Variants in PSORS1C1 observed in about 807,000 individuals in gnomAD.
PSORS1C1 encodes the protein psoriasis susceptibility 1 candidate 1, also known as psoriasis susceptibility 1 candidate gene 1 protein.
PSORS1C1 carries 7 observed loss-of-function variants against 9.4 expected under a neutral mutation model. The ratio of observed to expected loss-of-function variants is 0.75; its 90% CI spans 0.42 to 1.40. The LOEUF is 1.40. Among genes scored for constraint, PSORS1C1 ranks in the 40% most tolerant of loss-of-function variants. PSORS1C1 has a pLI of 0.01. For missense variants in PSORS1C1, 146 were observed against 178.1 expected (o/e 0.82, Z 1.02); for synonymous variants, 63 against 69.4 (o/e 0.91, Z 0.46).
intron 1 of PSORS1C1, among the ~76,000 whole-genome samples, chr6:31,124,457 T>C (rs1772595314): frequency 1.3e-5 from 2 of 152,238 alleles, no homozygotes; most frequent in African/African-American, 2.4e-5. Flanking sequence ...TGAAATTATT[T>C]GTCCAAACCA....
chr6:31,136,390 C>CAAAAAA (rs11311116), intron 3 of PSORS1C1, among the ~76,000 whole-genome samples: 1 of 102,700 alleles, frequency 9.7e-6, no homozygotes, highest in Non-Finnish European at 2.1e-5. Flanking sequence ...TAATACGTCT[C>CAAAAAA]AAAAAAAAAA....
intron 1 of PSORS1C1, chr6:31,120,460 CA>C: frequency 6.7e-7 from 1 of 1,494,248 alleles, no homozygotes; most frequent in Non-Finnish European, 9.1e-7. Flanking sequence ...AGCTCAAGGA[CA>C]CCCGGGTCCT....
At chr6:31,124,384 C>A (rs1215752190) in intron 1 of PSORS1C1, among the ~76,000 whole-genome samples, 1 of 152,202 alleles carries the variant, frequency 6.6e-6, no homozygotes. Flanking sequence ...CTTGTTCAAT[C>A]TTCACAACAG....
At chr6:31,119,104 G>A (rs895373851) in intron 1 of PSORS1C1, among the ~76,000 whole-genome samples, 3 of 151,994 alleles carry the variant, frequency 2.0e-5, no homozygotes, top group African/African-American at 7.2e-5. Flanking sequence ...TTGGCCTCCT[G>A]AAATGTTGGG....
chr6:31,128,602 G>A lies in PSORS1C1; in HGVS notation c.-64-967G>A, dbSNP rs1360548281. 2.2e-4 allele frequency among the ~76,000 whole-genome samples: 34 copies of A among 152,220 alleles called. No individual in the cohort carries two copies. The highest frequency in any genetic ancestry group is 5.9e-5 in the Non-Finnish European group (4 of 68,042). Reference sequence around the variant, plus strand: ...GGATATTAGGGGGAAAAACCCACAGGAGGTGCATTTGGCTTAATTCAGCAA... The same window carrying A: ...GGATATTAGGGGGAAAAACCCACAGAAGGTGCATTTGGCTTAATTCAGCAA... On this transcript the variant is annotated intron_variant, in intron 2 of 5. Transcript: ENST00000259881. This position sits in a 1 kb window ranked among gnomAD's most constrained non-coding sequence, Gnocchi z 4.3.
chr6:31,127,715 G>A (rs980370691), intron 2 of PSORS1C1, among the ~76,000 whole-genome samples: 3 of 152,016 alleles, frequency 2.0e-5, no homozygotes, highest in Non-Finnish European at 2.9e-5. Flanking sequence ...CCGGGAGGCT[G>A]AGACAGGAGA....
rs201665595 is a variant in PSORS1C1, at chr6:31,118,837, C to CTTTTTTTTTTTTTTTTTTTTTTT, written c.-229+3948_-229+3949insTTTTTTTTTTTTTTTTTTTTTTT. 5.4e-5 allele frequency: 5 copies of CTTTTTTTTTTTTTTTTTTTTTTT among 92,454 alleles called. 1 individual carries two copies. The highest frequency in any genetic ancestry group is 9.1e-5 in the African/African-American group (2 of 22,024). 5.7% of individuals were successfully genotyped at this position (92,454 alleles called of 1,614,324 possible). On this transcript the variant is annotated intron_variant, in intron 1 of 5. Transcript: ENST00000259881. ...ATCATCCACCTGGAAGTTTTTTCTT[C>CTTTTTTTTTTTTTTTTTTTTTTT]TTCTTCTTTTTTTTTTTTTTTTTTG...
At chr6:31,134,784 C>T (rs1224216508) in intron 3 of PSORS1C1, among the ~76,000 whole-genome samples, 1 of 152,152 alleles carries the variant, frequency 6.6e-6, no homozygotes, top group African/African-American at 2.4e-5. Context: ...ACCTGATTGC[C>T]TCTTTAAAGG....
At chr6:31,116,628 A>C (rs1312301178) in intron 1 of PSORS1C1, 1 of 1,613,156 alleles carries the variant, frequency 6.2e-7, no homozygotes, top group Non-Finnish European at 8.5e-7. Flanking sequence ...AGCCTTTCAC[A>C]GGGTTCTCTT....
intron 2 of PSORS1C1, among the ~76,000 whole-genome samples, 162 bp from the exon 3 acceptor site, chr6:31,129,407 T>C (rs994611495): frequency 6.6e-6 from 1 of 152,188 alleles, no homozygotes; most frequent in South Asian, 2.1e-4. Flanking sequence ...GGTTTCCCTC[T>C]GCAAATACCT....
intron 5 of PSORS1C1, 179 bp downstream of exon 5, chr6:31,138,958 T>C: frequency 6.2e-7 from 1 of 1,613,856 alleles, no homozygotes; most frequent in Non-Finnish European, 8.5e-7. Flanking sequence ...TCCCTGCCTC[T>C]GTTCCCACCT....
chr6:31,117,106 A>G (rs1772185384), intron 1 of PSORS1C1: 1 of 1,614,052 alleles, frequency 6.2e-7, no homozygotes, highest in Non-Finnish European at 8.5e-7. Flanking sequence ...GCCATTCCCT[A>G]CTTGGAAGCT....
At position 31,140,038 on chromosome 6, in the gene PSORS1C1, A is replaced by G. The variant is rs1254563005; in HGVS notation, c.*106A>G. On this transcript the variant is annotated 3_prime_UTR_variant, in exon 6 of 6. Transcript: ENST00000259881. The surrounding 1 kb of genome is among the most constrained non-coding windows in gnomAD (Gnocchi z 4.6). ...TCCAAAATAAAATTTGATTCCTCCCAGGTTGTTCCCTGCCTGGTCCGCTAC... is the reference window on the plus strand; with the variant it reads ...TCCAAAATAAAATTTGATTCCTCCCGGGTTGTTCCCTGCCTGGTCCGCTAC... The G allele has an allele frequency of 4.4e-6, 5 of 1,124,390 alleles. No individual in the cohort carries two copies. The highest frequency in any genetic ancestry group is 3.9e-6 in the Non-Finnish European group (3 of 771,654). The allele number at this position is 1,124,390 out of a possible 1,614,324, so 69.7% of individuals were successfully genotyped here.
chr6:31,120,316 A>C, intron 1 of PSORS1C1: 1 of 1,548,098 alleles, frequency 6.5e-7, no homozygotes, highest in Non-Finnish European at 8.8e-7. Context: ...TCCTGTTCCC[A>C]GGGCCCCCAG....
rs373344373 is a variant in PSORS1C1 at position 31,126,065 on chromosome 6, T to C, written c.-65+226T>C. On this transcript the variant is annotated intron_variant, in intron 2 of 5. Coordinates refer to ENST00000259881, the MANE Select transcript of PSORS1C1 (RefSeq NM_014068.3). ...GTGCTGGAGGGATTCACTGATGGCC[T>C]TGGCGGAGGTGGCAGTGGGCATGTG... 6.2e-4 allele frequency among the ~76,000 whole-genome samples: 94 copies of C among 151,956 alleles called. No individual in the cohort carries two copies. The East Asian group carries it at 8.2e-3, about 13-fold the overall frequency.
rs1424647385 is a variant in PSORS1C1 at position 31,114,840 on chromosome 6, G to C, written c.-280G>C. 1 of 454,762 alleles carries C rather than the reference G, an allele frequency of 2.2e-6. No individual in the cohort carries two copies. The highest frequency in any genetic ancestry group is 7.0e-5 in the East Asian group (1 of 14,234). 28.2% of individuals were successfully genotyped at this position (454,762 alleles called of 1,614,324 possible). On this transcript the variant is annotated 5_prime_UTR_variant, in exon 1 of 6. Transcript: ENST00000259881. ...CCTTCCCAAGCTTCCAGGTGTCCCA[G>C]AAACCCAGGAAATCGAGACTCATGA...
intron 1 of PSORS1C1, chr6:31,116,042 A>G (rs779015672): frequency 5.8e-5 from 94 of 1,611,460 alleles, no homozygotes; most frequent in Non-Finnish European, 7.7e-5. Context: ...CTGTTGAGTA[A>G]CTCTCCTTGG....
intron 1 of PSORS1C1, chr6:31,117,351 G>GGAGCCACCACCA: frequency 1.3e-6 from 2 of 1,578,946 alleles, no homozygotes; most frequent in Non-Finnish European, 1.7e-6. Flanking sequence ...AGCTACCACT[G>GGAGCCACCACCA]GAGCCACCAC....
intron 3 of PSORS1C1, 127 bp from the exon 4 acceptor site, chr6:31,138,303 A>G: frequency 6.3e-7 from 1 of 1,597,420 alleles, no homozygotes; most frequent in Non-Finnish European, 8.5e-7. Flanking sequence ...GCTGCCTGAG[A>G]TGCCTGTAAA....
Sources: gnomAD v4.1 joint callset for allele counts (sites outside exome capture counted in the v4.1 genomes callset) on GRCh38, gnomAD v4.1.1 for gene constraint, Gnocchi (gnomAD v3.1) non-coding constraint, MANE v1.5 for transcripts, NCBI Gene and HGNC (gene_info 2026-07-23, HGNC 2026-07-21) for gene names.